Variants in NHSL2 observed in about 807,000 individuals in gnomAD.
NHSL2 encodes NHS-like protein 2.
NHSL2 carries 27 observed loss-of-function variants against 53.4 expected under a neutral mutation model. The observed-to-expected ratio is 0.51, with a 90% CI of 0.37 to 0.70. The LOEUF (loss-of-function observed/expected upper bound fraction) is 0.70. Ranked by LOEUF, NHSL2 falls within the 30% of genes least tolerant of loss-of-function variation. NHSL2 has a pLI of 0.00. For synonymous variants in NHSL2, 408 were observed against 404.1 expected (o/e 1.01, Z -0.12); for missense variants, 892 against 980.1 (o/e 0.91, Z 1.20).
At chrX:71,955,731 G>A (rs1162509530) in intron 1 of NHSL2, among the ~76,000 whole-genome samples, 1 of 110,840 alleles carries the variant, frequency 9.0e-6, no homozygotes, top group Non-Finnish European at 1.9e-5. Context: ...ACAGAGGATG[G>A]GGTGGGGAGG....
At chrX:72,085,023 A>G (rs1017974752) in intron 1 of NHSL2, among the ~76,000 whole-genome samples, 1 of 112,094 alleles carries the variant, frequency 8.9e-6, no homozygotes, top group Non-Finnish European at 1.9e-5. Context: ...TGTACCAAAG[A>G]CCAGGTTTCC....
chrX:72,130,217 G>A (rs746644853), intron 1 of NHSL2: 7 of 1,207,547 alleles, frequency 5.8e-6, no homozygotes, highest in Non-Finnish European at 7.8e-6. Context: ...TCAGTCCCTG[G>A]ATCCTGCTGT....
intron 1 of NHSL2, among the ~76,000 whole-genome samples, chrX:71,982,495 A>G (rs2041983882): frequency 8.9e-6 from 1 of 112,147 alleles, no homozygotes; most frequent in Admixed American, 9.4e-5. Flanking sequence ...TGGGTAGCCC[A>G]AGAATAGGGA....
At chrX:71,974,981 A>G (rs2041942093) in intron 1 of NHSL2, among the ~76,000 whole-genome samples, 1 of 112,124 alleles carries the variant, frequency 8.9e-6, no homozygotes, top group Admixed American at 9.4e-5. Context: ...TCCAAAGAGA[A>G]GATTCAGCCA....
Position 71,974,035 on chromosome X carries a change from A to G in NHSL2, c.280+62668A>G, listed in dbSNP as rs144342040. Among the ~76,000 whole-genome samples the G allele has an allele frequency of 4.5e-3, 504 of 111,983 alleles. 3 individuals are homozygous for G. The highest frequency in any genetic ancestry group is 0.015 in the African/African-American group (472 of 30,819). On this transcript the variant is annotated intron_variant, in intron 1 of 7. Transcript: ENST00000633930. ...ACAGACTGTATCTGTTCTTACCAAT[A>G]TTTAGTAGATTTTCTTGAATAAATG...
rs769259977 is a variant in NHSL2, at chrX:72,144,509, G to T, written c.*935G>T. The T allele has an allele frequency of 7.9e-6, 8 of 1,018,550 alleles. No individual in the cohort carries two copies. In the South Asian group the frequency reaches 9.2e-5, roughly 12 times the overall value. 83.9% of individuals were successfully genotyped at this position (1,018,550 alleles called of 1,213,427 possible). On this transcript the variant is annotated 3_prime_UTR_variant, in exon 8 of 8. Transcript: ENST00000633930. Reference sequence around the variant, plus strand: ...CAGGAAGTAATTAACTGAAGGAACAGCATCATCAAAGGCTCAAGGATAATG... The same window carrying T: ...CAGGAAGTAATTAACTGAAGGAACATCATCATCAAAGGCTCAAGGATAATG...
intron 1 of NHSL2, among the ~76,000 whole-genome samples, chrX:71,972,526 T>A (rs1237877541): frequency 8.9e-6 from 1 of 112,424 alleles, no homozygotes; most frequent in Non-Finnish European, 1.9e-5. Context: ...AAGTGTTTCC[T>A]CCTGCTTTCA....
intron 1 of NHSL2, among the ~76,000 whole-genome samples, chrX:72,124,227 G>C (rs1030349195): frequency 9.1e-6 from 1 of 109,780 alleles, no homozygotes; most frequent in Non-Finnish European, 1.9e-5. Flanking sequence ...CACTTCTGGC[G>C]GTCAAGGGCA....
At chrX:72,084,802 G>A (rs1349965406) in intron 1 of NHSL2, among the ~76,000 whole-genome samples, 2 of 111,830 alleles carry the variant, frequency 1.8e-5, no homozygotes, top group Non-Finnish European at 3.8e-5. Flanking sequence ...GGCAGAGTGT[G>A]GCTATCAAGA....
Position 71,985,481 on chromosome X carries a change from A to G in NHSL2, c.280+74114A>G, listed in dbSNP as rs184086844. On this transcript the variant is annotated intron_variant, in intron 1 of 7. Transcript: ENST00000633930. ...GCAAAAGAAAACAGATTCTTATTGC[A>G]CTTATGCAAATAACTATTGCTATAA... Among the ~76,000 whole-genome samples, 18 of 112,589 alleles carry G rather than the reference A, an allele frequency of 1.6e-4. No homozygotes were observed. The East Asian group carries it at 2.2e-3, about 14-fold the overall frequency.
chrX:72,032,594 C>G (rs918588355), intron 1 of NHSL2, among the ~76,000 whole-genome samples: 4 of 111,479 alleles, frequency 3.6e-5, no homozygotes, highest in Non-Finnish European at 7.5e-5. Context: ...CATGGTGGCT[C>G]ACACCTGTAA....
chrX:71,921,368 C>T (rs1267702497), intron 1 of NHSL2, among the ~76,000 whole-genome samples: 4 of 104,476 alleles, frequency 3.8e-5, no homozygotes, highest in Admixed American at 2.1e-4. Context: ...TGCAGCGAGC[C>T]GAGATTGTGC....
chrX:72,035,973 G>A (rs2042239386), intron 1 of NHSL2, among the ~76,000 whole-genome samples: 1 of 111,600 alleles, frequency 9.0e-6, no homozygotes, highest in Non-Finnish European at 1.9e-5. Context: ...GATTCTCATA[G>A]GAGCATGGAC....
At chrX:72,068,413 C>T (rs1335206524) in intron 1 of NHSL2, among the ~76,000 whole-genome samples, 1 of 112,459 alleles carries the variant, frequency 8.9e-6, no homozygotes, top group Non-Finnish European at 1.9e-5. Flanking sequence ...ACAGACAGGC[C>T]CCCTGTCCCA....
chrX:72,114,801 A>T (rs2042122227), intron 1 of NHSL2, among the ~76,000 whole-genome samples: 1 of 112,410 alleles, frequency 8.9e-6, no homozygotes, highest in Non-Finnish European at 1.9e-5. Flanking sequence ...CACAGTGTCC[A>T]CTATAAGAGG....
In NHSL2 at chrX:72,150,985, A is replaced by G. The variant is rs1363908376; in HGVS notation, c.*7411A>G. On this transcript the variant is annotated 3_prime_UTR_variant, in exon 8 of 8. Transcript: ENST00000633930. ...TCTTCTTTGTTGTTGCTGTTTGTTC[A>G]TTCGTTTGTTTTGCAACCTTTGGAT... is the stretch of plus-strand genomic sequence containing the variant. The G allele has an allele frequency of 3.6e-5, 4 of 110,405 alleles. No individual in the cohort carries two copies. Among genetic ancestry groups the G allele is most frequent in the African/African-American group, 1.0e-4 (3 of 30,014 alleles). The allele number at this position is 110,405 out of a possible 1,213,427, so 9.1% of individuals were successfully genotyped here.
chrX:72,134,793 G>A lies in NHSL2; in HGVS notation c.760+89G>A. Reference sequence around the variant, plus strand: ...ATGCACTGGGTATTGGGGGAGGGAAGTGAGACTTTCTTTGCTACCGGCTCA... The same window carrying A: ...ATGCACTGGGTATTGGGGGAGGGAAATGAGACTTTCTTTGCTACCGGCTCA... On this transcript the variant is annotated intron_variant, in intron 4 of 7. Transcript: ENST00000633930. The A allele has an allele frequency of 7.2e-6, 5 of 690,804 alleles. No homozygotes were observed. In the South Asian group the frequency reaches 1.1e-4, roughly 15 times the overall value. The allele number at this position is 690,804 out of a possible 1,213,427, so 56.9% of individuals were successfully genotyped here. A position where few individuals can be genotyped will look rare whatever the true frequency, so the allele number is the denominator to read the frequency against.
chrX:72,061,250 T>C (rs2042397775), intron 1 of NHSL2, among the ~76,000 whole-genome samples: 1 of 112,064 alleles, frequency 8.9e-6, no homozygotes, highest in African/African-American at 3.2e-5. Flanking sequence ...AGACCCTATA[T>C]TGTCCTGGTG....
intron 1 of NHSL2, among the ~76,000 whole-genome samples, chrX:72,081,264 G>A (rs761938832): frequency 5.3e-4 from 60 of 112,303 alleles, no homozygotes; most frequent in African/African-American, 1.8e-3. Context: ...GAGTAGATGC[G>A]GTCTGCGTGG....
Sources: allele counts gnomAD v4.1 joint callset (sites outside exome capture counted in the v4.1 genomes callset), GRCh38; gene constraint gnomAD v4.1.1; transcripts MANE v1.5; gene names NCBI Gene and HGNC (gene_info 2026-07-23, HGNC 2026-07-21).